Variants in NKAIN3 observed in about 807,000 individuals in gnomAD.
NKAIN3 encodes sodium/potassium transporting ATPase interacting 3.
In NKAIN3, 25 loss-of-function variants were observed where a neutral mutation model predicts 30.2. That is an observed-to-expected ratio of 0.83 (90% confidence interval 0.60 to 1.16). The LOEUF (loss-of-function observed/expected upper bound fraction) is 1.16, where lower values mean the gene tolerates loss of function less well. Among genes scored for constraint, NKAIN3 ranks in the 50% most tolerant of loss-of-function variants. The probability of loss-of-function intolerance (pLI) is 0.00; values close to 1 mark genes in which losing one functional copy is unlikely to be tolerated. For synonymous variants in NKAIN3, 91 were observed against 89.6 expected (o/e 1.02, Z -0.09); for missense variants, 225 against 254.1 (o/e 0.89, Z 0.78).
intron 1 of NKAIN3, among the ~76,000 whole-genome samples, chr8:62,499,887 CACA>C (rs1807370420): frequency 6.6e-6 from 1 of 151,204 alleles, no homozygotes; most frequent in Non-Finnish European, 1.5e-5. Context: ...GTGTCCTTGT[CACA>C]ACAACAATTT....
chr8:62,386,051 G>C (rs1339178604), intron 1 of NKAIN3, among the ~76,000 whole-genome samples: 1 of 152,126 alleles, frequency 6.6e-6, no homozygotes, highest in Non-Finnish European at 1.5e-5. Context: ...CAAAGCGCTG[G>C]GTACAAAAGT....
rs2130018956 is a variant in NKAIN3, at chr8:62,570,943, T to A, written c.55-8596T>A. 1.3e-5 allele frequency among the ~76,000 whole-genome samples: 2 copies of A among 152,304 alleles called. 1 individual carries two copies. The highest frequency in any genetic ancestry group is 3.9e-4 in the East Asian group (2 of 5,182). On this transcript the variant is annotated intron_variant, in intron 1 of 6. Transcript: ENST00000623646. ...TCAAACGATAGTTTCACAAAACAAA[T>A]TAAAGTGTATTGTATGACTGCTACT...
chr8:62,603,932 A>G (rs74455053), intron 3 of NKAIN3, among the ~76,000 whole-genome samples: 2,105 of 152,226 alleles, frequency 0.014, 42 homozygotes, highest in African/African-American at 0.043. Flanking sequence ...GTTTTGTTTT[A>G]TCTGCAGGAA....
intron 3 of NKAIN3, among the ~76,000 whole-genome samples, chr8:62,739,824 C>T (rs1815806216): frequency 6.6e-6 from 1 of 152,080 alleles, no homozygotes; most frequent in Non-Finnish European, 1.5e-5. Flanking sequence ...TCAAAATGAT[C>T]AGTGGCCACT....
intron 3 of NKAIN3, among the ~76,000 whole-genome samples, chr8:62,656,083 G>A (rs1812754208): frequency 6.6e-6 from 1 of 152,160 alleles, no homozygotes; most frequent in South Asian, 2.1e-4. Flanking sequence ...TCAAGGAGAA[G>A]GTGGAAGCTG....
chr8:62,582,116 C>T (rs1013549508), intron 2 of NKAIN3, among the ~76,000 whole-genome samples: 1 of 118,260 alleles, frequency 8.5e-6, no homozygotes, highest in African/African-American at 3.3e-5. Context: ...TCCTTCTTTC[C>T]TTTTTCCTTC....
At position 62,967,200 on chromosome 8, in the gene NKAIN3, T is replaced by C. The variant is rs1294602168; in HGVS notation, c.*1793T>C. Among the ~76,000 whole-genome samples the C allele has an allele frequency of 6.6e-6, 1 of 152,206 alleles. No homozygotes were observed. Among genetic ancestry groups the C allele is most frequent in the African/African-American group, 2.4e-5 (1 of 41,452 alleles). Reference sequence around the variant, plus strand: ...CTGAAGCCTAAGGGATTTGGTGAACTTGTCCAGAGCCTGTATCTGTACACA... The same window carrying C: ...CTGAAGCCTAAGGGATTTGGTGAACCTGTCCAGAGCCTGTATCTGTACACA... On this transcript the variant is annotated 3_prime_UTR_variant, in exon 7 of 7. Transcript: ENST00000623646.
At chr8:62,866,459 A>G (rs1820417335) in intron 4 of NKAIN3, among the ~76,000 whole-genome samples, 2 of 152,172 alleles carry the variant, frequency 1.3e-5, no homozygotes, top group African/African-American at 2.4e-5. Context: ...TCCCTTTGCA[A>G]GTTGCACACA....
intron 1 of NKAIN3, among the ~76,000 whole-genome samples, chr8:62,523,310 C>G (rs536194183): frequency 6.6e-6 from 1 of 152,002 alleles, no homozygotes; most frequent in African/African-American, 2.4e-5. Flanking sequence ...GTCCTTACAG[C>G]GAAACTGTCT....
rs1823782487 is a variant in NKAIN3 at position 62,969,370 on chromosome 8, G to A, written c.*3963G>A. Reference sequence around the variant, plus strand: ...TTGCAAATCTGAAGAAAACAATCATGACTCTGCTAATTTGAGAAGCAAAAA... The same window carrying A: ...TTGCAAATCTGAAGAAAACAATCATAACTCTGCTAATTTGAGAAGCAAAAA... On this transcript the variant is annotated 3_prime_UTR_variant, in exon 7 of 7. Transcript: ENST00000623646. Among the ~76,000 whole-genome samples, 1 of 152,186 alleles carries A rather than the reference G, an allele frequency of 6.6e-6. No homozygotes were observed. The highest frequency in any genetic ancestry group is 1.5e-5 in the Non-Finnish European group (1 of 68,042).
chr8:62,928,502 T>C (rs77809349), intron 5 of NKAIN3, among the ~76,000 whole-genome samples: 18,757 of 152,250 alleles, frequency 0.12, 1,408 homozygotes, highest in East Asian at 0.31. Flanking sequence ...GACAGCTATG[T>C]ACAAGCTTGT....
chr8:62,506,643 T>G (rs1401073204), intron 1 of NKAIN3, among the ~76,000 whole-genome samples: 2 of 151,454 alleles, frequency 1.3e-5, no homozygotes, highest in African/African-American at 4.9e-5. Context: ...CCCTGCTGAG[T>G]TTTGTATTTT....
chr8:62,957,044 C>G (rs1823438404), intron 6 of NKAIN3, among the ~76,000 whole-genome samples: 1 of 152,146 alleles, frequency 6.6e-6, no homozygotes, highest in Non-Finnish European at 1.5e-5. Flanking sequence ...CATACTTTTA[C>G]CATGAGATCT....
At chr8:62,890,641 T>G (rs1364827675) in intron 4 of NKAIN3, among the ~76,000 whole-genome samples, 1 of 152,202 alleles carries the variant, frequency 6.6e-6, no homozygotes, top group Non-Finnish European at 1.5e-5. Flanking sequence ...TTTTCATCTC[T>G]TCCACCTGGA....
At chr8:62,797,715 G>T (rs1206874569) in intron 4 of NKAIN3, among the ~76,000 whole-genome samples, 1 of 152,168 alleles carries the variant, frequency 6.6e-6, no homozygotes, top group Non-Finnish European at 1.5e-5. Flanking sequence ...GTATGCCCCA[G>T]AAACTCATGC....
At chr8:62,793,034 A>G (rs1817750945) in intron 4 of NKAIN3, among the ~76,000 whole-genome samples, 2 of 152,100 alleles carry the variant, frequency 1.3e-5, no homozygotes, top group Admixed American at 6.6e-5. Flanking sequence ...AAAAGAGTCA[A>G]CTATTGGAGT....
chr8:62,344,065 G>A (rs1815842450), intron 1 of NKAIN3, among the ~76,000 whole-genome samples: 1 of 152,012 alleles, frequency 6.6e-6, no homozygotes, highest in Non-Finnish European at 1.5e-5. Flanking sequence ...TGAAAGTTTG[G>A]ATTGGTTGTT....
At chr8:62,849,815 T>C (rs866750652) in intron 4 of NKAIN3, among the ~76,000 whole-genome samples, 1 of 152,068 alleles carries the variant, frequency 6.6e-6, no homozygotes, top group South Asian at 2.1e-4. Context: ...TAGTATTCCA[T>C]GGTGTATATG....
intron 3 of NKAIN3, among the ~76,000 whole-genome samples, chr8:62,711,402 C>T (rs1221725097): frequency 6.6e-6 from 1 of 151,996 alleles, no homozygotes; most frequent in East Asian, 1.9e-4. Context: ...TTAACATAAT[C>T]CCAGACTTCT....
Sources: allele counts gnomAD v4.1 joint callset (sites outside exome capture counted in the v4.1 genomes callset), GRCh38; gene constraint gnomAD v4.1.1; transcripts MANE v1.5; gene names NCBI Gene and HGNC (gene_info 2026-07-23, HGNC 2026-07-21).